The following SEC16B variants were observed in gnomAD, a reference collection of about 807,000 sequenced individuals.
SEC16B encodes SEC16 homolog B, endoplasmic reticulum export factor, also known as protein transport protein Sec16B.
In SEC16B, 115 loss-of-function variants were observed where a neutral mutation model predicts 141.8. The observed-to-expected ratio is 0.81, with a 90% confidence interval of 0.70 to 0.95. The LOEUF is 0.95. Among genes scored for constraint, SEC16B ranks in the 40% least tolerant of loss-of-function variants. SEC16B has a pLI of 0.00. For missense variants in SEC16B, 1,291 were observed against 1,312.3 expected, an observed-to-expected ratio of 0.98 and a Z score of 0.25; for synonymous variants, 493 against 492.5, an observed-to-expected ratio of 1.00 and a Z score of -0.01.
chr1:177,933,113 G>A (rs368711269), intron 22 of SEC16B, 101 bp downstream of exon 22: 9 of 916,526 alleles, frequency 9.8e-6, no homozygotes, highest in South Asian at 7.9e-5. Context: ...ATGTGGCCTG[G>A]GGTAGACTCA....
chr1:177,955,130 CACAGAT>C (rs1652497654), intron 10 of SEC16B, among the ~76,000 whole-genome samples: 2 of 149,702 alleles, frequency 1.3e-5, no homozygotes, highest in African/African-American at 5.1e-5. Flanking sequence ...CAAAAAAATT[CACAGAT>C]TAAAAAATAT....
At chr1:177,937,077 C>T (rs1018525272) in intron 19 of SEC16B, 137 bp downstream of exon 19, 32 of 929,102 alleles carry the variant, frequency 3.4e-5, no homozygotes, top group Middle Eastern at 3.4e-4. Flanking sequence ...CCCTCCGTAA[C>T]GGGCACACAT....
At position 177,967,112 on chromosome 1, in the gene SEC16B, C is replaced by A. The variant is rs200099935; in HGVS notation, c.299+571G>T. Among the ~76,000 whole-genome samples the A allele has an allele frequency of 4.6e-5, 7 of 152,296 alleles. No homozygotes were observed. The East Asian group carries it at 1.4e-3, about 29-fold the overall frequency. ...CTCACTGCAACCTCTTCCTTCCGAACTTGGAGCCTGCAGGTTTCTATCTGC... is the reference window on the plus strand; with the variant it reads ...CTCACTGCAACCTCTTCCTTCCGAAATTGGAGCCTGCAGGTTTCTATCTGC... On this transcript the variant is annotated intron_variant, in intron 2 of 25. Transcript: ENST00000308284.
At chr1:177,931,383 C>A (rs1650402547) in intron 24 of SEC16B, among the ~76,000 whole-genome samples, 1 of 152,040 alleles carries the variant, frequency 6.6e-6, no homozygotes, top group Non-Finnish European at 1.5e-5. Flanking sequence ...TGTGAAGACA[C>A]ACAGAGTGAC....
rs375889654 is a variant in SEC16B, at chr1:177,937,282, C to T, written c.2435G>A (p.Ser812Asn). The change falls in exon 19 of 26, where the codon AGC becomes AAC. Residue 812 changes from serine to asparagine, a missense_variant. By Grantham distance (46) the Ser-to-Asn change is conservative. This residue lies in a region of SEC16B where 605 missense variants were observed against 614.1 expected (regional missense o/e 0.99). Coordinates refer to ENST00000308284, the MANE Select transcript of SEC16B (RefSeq NM_033127.4). Reference protein sequence around the residue: ...PETHLPGTGSSVAVTEATGGT... With the variant: ...PETHLPGTGSNVAVTEATGGT... ...TCCAGTGGCCTCTGTCACTGCCACG[C>T]TGCTGCCAGTCCCTGGTAGATGGGT... is the stretch of plus-strand genomic sequence containing the variant. The T allele has an allele frequency of 2.1e-4, 340 of 1,613,966 alleles. 3 individuals are homozygous for T. The highest frequency in any genetic ancestry group is 5.0e-4 in the Admixed American group (30 of 60,022).
intron 4 of SEC16B, 143 bp from the exon 5 acceptor site, chr1:177,964,422 C>T: frequency 1.8e-6 from 1 of 569,362 alleles, no homozygotes; most frequent in African/African-American, 1.9e-5. Flanking sequence ...CATTTTCCTC[C>T]TACTCACCAC....
At chr1:177,960,263 A>G in intron 8 of SEC16B, 79 bp downstream of exon 8, 1 of 932,736 alleles carries the variant, frequency 1.1e-6, no homozygotes, top group Non-Finnish European at 1.7e-6. Context: ...CCAAGAACAA[A>G]TCTCCAAAAT....
At chr1:177,960,030 C>T (rs1218619103) in intron 8 of SEC16B, 14 of 354,398 alleles carry the variant, frequency 4.0e-5, no homozygotes, top group Non-Finnish European at 6.2e-5. Flanking sequence ...CGATGCTCCA[C>T]TTTTCTACTA....
rs759172294 is a variant in SEC16B, at chr1:177,937,464, G to A, written c.2253C>T (p.Ala751=). ...DFSGCQGYSE[A]PGYRSALWLT... The stretch of plus-strand genomic sequence containing the variant: ...GCCACAGAGCTGAGCGGTACCCAGG[G>A]GCTTCAGAGTAGCCTTGACATCCAG... Residue 751 remains alanine, a synonymous_variant, in exon 19 of 26, where the codon GCC becomes GCT. Coordinates refer to ENST00000308284, the MANE Select transcript of SEC16B (RefSeq NM_033127.4). 22 of 1,594,084 alleles carry A rather than the reference G, an allele frequency of 1.4e-5. No individual in the cohort carries two copies. In the Admixed American group the frequency reaches 3.5e-4, roughly 26 times the overall value.
chr1:177,945,387 A>G (rs1022304688), intron 14 of SEC16B: 1 of 152,214 alleles, frequency 6.6e-6, no homozygotes, highest in Non-Finnish European at 1.5e-5. Flanking sequence ...ACATAAACCA[A>G]CGTAAACATA....
intron 1 of SEC16B, chr1:177,984,057 G>C (rs1257575549): frequency 1.3e-5 from 2 of 152,164 alleles, no homozygotes; most frequent in Non-Finnish European, 2.9e-5. Context: ...CCATGTGCTG[G>C]CTTAATGCCT....
At chr1:177,959,318 C>T in intron 8 of SEC16B, 1 of 331,442 alleles carries the variant, frequency 3.0e-6, no homozygotes, top group Non-Finnish European at 5.8e-6. Flanking sequence ...AGACAAGTTT[C>T]TTACCTCCTC....
In SEC16B at chr1:177,958,857, G is replaced by C; in HGVS notation, c.1117C>G (p.Leu373Val). The C allele has an allele frequency of 1.9e-6, 3 of 1,613,584 alleles. No individual in the cohort carries two copies. Among genetic ancestry groups the C allele is most frequent in the Non-Finnish European group, 2.5e-6 (3 of 1,179,644 alleles). ...SALLWQLLVLLCRQNGSMVGS... is the reference protein window; with the variant it reads ...SALLWQLLVLVCRQNGSMVGS... Reference sequence around the variant, plus strand: ...GAACTTACCCCATTCTGGCGACAAAGGAGAACCAAGAGCTGCCACAGTAGA... The same window carrying C: ...GAACTTACCCCATTCTGGCGACAAACGAGAACCAAGAGCTGCCACAGTAGA... The change falls in exon 9 of 26, where the codon CTT (leucine) becomes GTT (valine). Residue 373 changes from leucine to valine, a missense_variant. Transcript: ENST00000308284.
intron 24 of SEC16B, among the ~76,000 whole-genome samples, chr1:177,931,721 A>G (rs958075712): frequency 2.0e-5 from 3 of 152,238 alleles, no homozygotes; most frequent in African/African-American, 7.2e-5. Flanking sequence ...AAGCCTCAAT[A>G]AATTATATTG....
At chr1:177,984,276 C>T (rs555547940) in exon 1 of SEC16B, 1 of 152,348 alleles carries the variant, frequency 6.6e-6, no homozygotes, top group African/African-American at 2.4e-5. Context: ...CCTGCTGTTA[C>T]TCACAGCTGG....
In SEC16B at chr1:177,930,647, T is replaced by C. The variant is rs376374383; in HGVS notation, c.3013-4A>G. On this transcript the variant is annotated splice_polypyrimidine_tract_variant and splice_region_variant and intron_variant, in intron 24 of 25. Transcript: ENST00000308284. ...AGCAGAGCTCAAAGGAAACACTCTGTGATGGAAAAGCATGGAAAATCCCAT... is the reference window on the plus strand; with the variant it reads ...AGCAGAGCTCAAAGGAAACACTCTGCGATGGAAAAGCATGGAAAATCCCAT... 1 of 1,610,904 alleles carries C rather than the reference T, an allele frequency of 6.2e-7. No homozygotes were observed. Among genetic ancestry groups the C allele is most frequent in the Non-Finnish European group, 8.5e-7 (1 of 1,177,772 alleles).
chr1:177,937,483 C>T lies in SEC16B; in HGVS notation c.2234G>A (p.Cys745Tyr). The change falls in exon 19 of 26, where the codon TGT becomes TAT. Residue 745 changes from cysteine to tyrosine, a missense_variant. Physicochemically the swap from Cys to Tyr is radical, Grantham distance 194. Coordinates refer to ENST00000308284, the MANE Select transcript of SEC16B (RefSeq NM_033127.4). The stretch of plus-strand genomic sequence containing the variant: ...CCCAGGGGCTTCAGAGTAGCCTTGA[C>T]ATCCAGAAAAGTCCTGGTAGAAAGT... Reference protein sequence around the residue: ...ENTFYQDFSGCQGYSEAPGYR... With the variant: ...ENTFYQDFSGYQGYSEAPGYR... 6.4e-7 allele frequency: 1 copy of T among 1,571,704 alleles called. No individual in the cohort carries two copies. The highest frequency in any genetic ancestry group is 8.6e-7 in the Non-Finnish European group (1 of 1,160,164).
chr1:177,969,014 C>T (rs1372052207), intron 1 of SEC16B, among the ~76,000 whole-genome samples: 3 of 152,178 alleles, frequency 2.0e-5, no homozygotes, highest in South Asian at 2.1e-4. Flanking sequence ...GGGGTTGCAC[C>T]CACAAAAGGA....
intron 10 of SEC16B, among the ~76,000 whole-genome samples, chr1:177,956,009 T>C (rs1652571504): frequency 6.6e-6 from 1 of 152,246 alleles, no homozygotes; most frequent in African/African-American, 2.4e-5. Context: ...GGCATTTATA[T>C]AGGCTATAGA....
Sources: allele counts gnomAD v4.1 joint callset (sites outside exome capture counted in the v4.1 genomes callset), GRCh38; gene constraint gnomAD v4.1.1; regional missense constraint gnomAD v4.1.1; transcripts MANE v1.5; gene names NCBI Gene and HGNC (gene_info 2026-07-23, HGNC 2026-07-21).